Variants in WDFY2 observed in about 807,000 individuals in gnomAD.
WDFY2 encodes WD repeat and FYVE domain-containing protein 2.
In WDFY2, 36 loss-of-function variants were observed where a neutral mutation model predicts 56.4. That is an observed-to-expected ratio of 0.64 (90% CI 0.49 to 0.84). The LOEUF is 0.84. Among genes scored for constraint, WDFY2 ranks in the 40% least tolerant of loss-of-function variants. The pLI, the probability that WDFY2 is intolerant of heterozygous loss-of-function variation, is 0.00. For missense variants in WDFY2, 444 were observed against 512.2 expected (o/e 0.87, Z 1.29); for synonymous variants, 176 against 183.7 (o/e 0.96, Z 0.34).
intron 8 of WDFY2, chr13:51,753,091 C>T (rs1269528423): frequency 6.6e-6 from 1 of 152,250 alleles, no homozygotes; most frequent in Non-Finnish European, 1.5e-5. Context: ...ATGGAGTCAT[C>T]ATTGGCTAAT....
At position 51,760,169 on chromosome 13, in the gene WDFY2, TCAA is replaced by T; in HGVS notation, c.*403_*405del. On this transcript the variant is annotated 3_prime_UTR_variant, in exon 12 of 12. Coordinates refer to ENST00000298125, the MANE Select transcript of WDFY2 (RefSeq NM_052950.4). ...GGTCATTATACTTTCTGTGTTTACTTCAACATGTGTCACGTGGCCAGCGGCTTT... is the reference window on the plus strand; with the variant it reads ...GGTCATTATACTTTCTGTGTTTACTTCATGTGTCACGTGGCCAGCGGCTTT... The T allele has an allele frequency of 6.2e-6, 1 of 161,416 alleles. No individual in the cohort carries two copies. The highest frequency in any genetic ancestry group is 1.4e-5 in the Non-Finnish European group (1 of 74,020). The allele number at this position is 161,416 out of a possible 1,614,324, so 10.0% of individuals were successfully genotyped here. A position where few individuals can be genotyped will look rare whatever the true frequency, so the allele number is the denominator to read the frequency against.
chr13:51,597,236 G>C (rs1954168698), intron 1 of WDFY2, among the ~76,000 whole-genome samples: 1 of 152,140 alleles, frequency 6.6e-6, no homozygotes, highest in Non-Finnish European at 1.5e-5. Flanking sequence ...GTGAACAAAC[G>C]GTTGAGTTCT....
intron 7 of WDFY2, among the ~76,000 whole-genome samples, chr13:51,745,316 T>C (rs979772088): frequency 1.3e-5 from 2 of 152,206 alleles, no homozygotes; most frequent in African/African-American, 4.8e-5. Context: ...ATATTAGGCA[T>C]TAATTAATAA....
At chr13:51,630,184 A>C (rs1954925100) in intron 1 of WDFY2, among the ~76,000 whole-genome samples, 1 of 152,092 alleles carries the variant, frequency 6.6e-6, no homozygotes, top group Non-Finnish European at 1.5e-5. Context: ...GTTTTCTTTA[A>C]ATCACTGAGG....
At chr13:51,679,265 A>T (rs749758334) in intron 3 of WDFY2, among the ~76,000 whole-genome samples, 1 of 152,192 alleles carries the variant, frequency 6.6e-6, no homozygotes, top group Non-Finnish European at 1.5e-5. Flanking sequence ...ATTTTCACCA[A>T]CCCTGAGTAA....
At chr13:51,694,488 C>A (rs1008203284) in intron 3 of WDFY2, among the ~76,000 whole-genome samples, 2 of 152,176 alleles carry the variant, frequency 1.3e-5, no homozygotes, top group African/African-American at 2.4e-5. Context: ...AAATTCTTTT[C>A]TTTAAGAATG....
At chr13:51,639,561 T>C (rs368030229) in intron 1 of WDFY2, among the ~76,000 whole-genome samples, 77 of 152,128 alleles carry the variant, frequency 5.1e-4, no homozygotes, top group Middle Eastern at 3.4e-3. Context: ...ACAAAACATA[T>C]CAGATTTATT....
rs34151524 is a variant in WDFY2, at chr13:51,702,308, C to CA, written c.280-1276dup. Among the ~76,000 whole-genome samples the CA allele has an allele frequency of 4.9e-3, 646 of 132,158 alleles. 4 individuals are homozygous for CA. The highest frequency in any genetic ancestry group is 0.015 in the African/African-American group (545 of 35,812). The allele number at this position is 132,158 out of a possible 152,430, so 86.7% of individuals were successfully genotyped here. A position where few individuals can be genotyped will look rare whatever the true frequency, so the allele number is the denominator to read the frequency against. Reference sequence around the variant, plus strand: ...ACCAGGCAACAGAGCAAGACTCTGTCAAAAAAAAAAAAGAAAAAAAATTAG... The same window carrying CA: ...ACCAGGCAACAGAGCAAGACTCTGTCAAAAAAAAAAAAAGAAAAAAAATTAG... On this transcript the variant is annotated intron_variant, in intron 3 of 11. Coordinates refer to ENST00000298125, the MANE Select transcript of WDFY2 (RefSeq NM_052950.4).
rs899716655 is a variant in WDFY2 at position 51,756,367 on chromosome 13, C to T, written c.969C>T (p.Gly323=). Residue 323 remains glycine (G), a synonymous_variant, in exon 10 of 12, where the codon GGC becomes GGT. Transcript: ENST00000298125. ...GCAAGTGTGGGAAGGCCGTCTGTGGCAAGTGCAGCTCCAAGCGCTCCTCCA... is the reference window on the plus strand; with the variant it reads ...GCAAGTGTGGGAAGGCCGTCTGTGGTAAGTGCAGCTCCAAGCGCTCCTCCA... ...HCRKCGKAVC[G]KCSSKRSSIP... is the part of the protein sequence containing the mutation. The T allele has an allele frequency of 6.2e-7, 1 of 1,613,946 alleles. No homozygotes were observed. The highest frequency in any genetic ancestry group is 8.5e-7 in the Non-Finnish European group (1 of 1,179,900).
rs558303491 is a variant in WDFY2, at chr13:51,765,320, G to A, written c.*5551G>A. ...CTCCAGGGTTGTGGTTTGTATTTTT[G>A]CCTTTAAGCATTATCTCCTTTCCAC... is the stretch of plus-strand genomic sequence containing the variant. On this transcript the variant is annotated 3_prime_UTR_variant, in exon 12 of 12. Transcript: ENST00000298125. 7 of 152,202 alleles carry A rather than the reference G, an allele frequency of 4.6e-5. No homozygotes were observed. In the East Asian group the frequency reaches 1.4e-3, roughly 29 times the overall value. 9.4% of individuals were successfully genotyped at this position (152,202 alleles called of 1,614,324 possible).
intron 3 of WDFY2, among the ~76,000 whole-genome samples, chr13:51,680,461 A>G (rs927141336): frequency 1.3e-5 from 2 of 152,178 alleles, no homozygotes; most frequent in Non-Finnish European, 2.9e-5. Context: ...CTAATCCAGT[A>G]TGATCCTGTC....
chr13:51,688,485 T>A (rs1956097844), intron 3 of WDFY2, among the ~76,000 whole-genome samples: 1 of 152,186 alleles, frequency 6.6e-6, no homozygotes, highest in African/African-American at 2.4e-5. Flanking sequence ...ATCCACATTT[T>A]AAGTGTGGGC....
At chr13:51,598,806 G>A (rs1277815793) in intron 1 of WDFY2, 1 of 151,726 alleles carries the variant, frequency 6.6e-6, no homozygotes, top group Non-Finnish European at 1.5e-5. Context: ...ACAAAAAATT[G>A]TCCAATTAGA....
intron 1 of WDFY2, chr13:51,589,613 A>T (rs1399503939): frequency 1.3e-5 from 2 of 152,304 alleles, no homozygotes; most frequent in Non-Finnish European, 2.9e-5. Flanking sequence ...CATGTATTTT[A>T]TAACATTTGC....
At chr13:51,745,114 A>T (rs1953064306) in intron 7 of WDFY2, among the ~76,000 whole-genome samples, 1 of 152,226 alleles carries the variant, frequency 6.6e-6, no homozygotes. Context: ...ATTGATGTGT[A>T]TCAAGATGGC....
intron 1 of WDFY2, among the ~76,000 whole-genome samples, chr13:51,607,794 C>G (rs1362926536): frequency 6.6e-6 from 1 of 152,170 alleles, no homozygotes; most frequent in African/African-American, 2.4e-5. Flanking sequence ...CCCAACATGT[C>G]TATGTCCTAG....
chr13:51,699,169 C>T (rs1450020185), intron 3 of WDFY2, among the ~76,000 whole-genome samples: 2 of 152,200 alleles, frequency 1.3e-5, no homozygotes, highest in African/African-American at 4.8e-5. Flanking sequence ...TCCCCAGTGG[C>T]TGCAACAGGG....
chr13:51,725,955 A>C (rs1236234998), intron 5 of WDFY2, among the ~76,000 whole-genome samples: 2 of 152,172 alleles, frequency 1.3e-5, no homozygotes, highest in East Asian at 3.8e-4. Flanking sequence ...GATTACAGGC[A>C]TGAGCCACTG....
chr13:51,633,625 G>C (rs1954994851), intron 1 of WDFY2, among the ~76,000 whole-genome samples: 1 of 152,140 alleles, frequency 6.6e-6, no homozygotes. Context: ...GGTCACTTAT[G>C]AAGTAGCCAG....
Sources: gnomAD v4.1 joint callset for allele counts (sites outside exome capture counted in the v4.1 genomes callset) on GRCh38, gnomAD v4.1.1 for gene constraint, MANE v1.5 for transcripts, NCBI Gene and HGNC (gene_info 2026-07-23, HGNC 2026-07-21) for gene names.